The following TIMD4 variants were observed in gnomAD, a reference collection of about 807,000 sequenced individuals.
The protein encoded by TIMD4 is T-cell immunoglobulin and mucin domain-containing protein 4.
A neutral mutation model predicts 41.2 loss-of-function variants in TIMD4; 31 were observed. The observed-to-expected ratio is 0.75, with a 90% CI of 0.57 to 1.01. TIMD4 has a LOEUF of 1.01. Ranked by LOEUF, TIMD4 falls within the 50% of genes least tolerant of loss-of-function variation. The pLI is 0.00. For missense variants in TIMD4, 479 were observed against 472.5 expected (o/e 1.01, Z -0.13); for synonymous variants, 204 against 177.1 (o/e 1.15, Z -1.21).
chr5:156,928,911 A>G (rs956972844), intron 5 of TIMD4, among the ~76,000 whole-genome samples: 2 of 152,232 alleles, frequency 1.3e-5, no homozygotes, highest in African/African-American at 4.8e-5. Context: ...AATTGAAACT[A>G]TCAAACAGAA....
At chr5:156,931,123 A>G (rs1248827189) in intron 5 of TIMD4, among the ~76,000 whole-genome samples, 1 of 152,218 alleles carries the variant, frequency 6.6e-6, no homozygotes, top group Non-Finnish European at 1.5e-5. Flanking sequence ...TGAAGGAAGG[A>G]GTCACAAGCC....
intron 6 of TIMD4, among the ~76,000 whole-genome samples, chr5:156,923,929 C>G (rs1028915410): frequency 7.4e-4 from 113 of 152,186 alleles, no homozygotes; most frequent in African/African-American, 2.4e-3. Context: ...CCTCAACCTC[C>G]TGGACTCAAG....
intron 5 of TIMD4, among the ~76,000 whole-genome samples, 188 bp downstream of exon 5, chr5:156,948,228 G>T (rs1358922338): frequency 6.6e-6 from 1 of 151,614 alleles, no homozygotes; most frequent in Admixed American, 6.6e-5. Flanking sequence ...GGCCAGGCAA[G>T]CTGGCTCTAG....
chr5:156,943,058 C>T (rs763777351), intron 5 of TIMD4, among the ~76,000 whole-genome samples: 4 of 152,050 alleles, frequency 2.6e-5, no homozygotes, highest in Non-Finnish European at 4.4e-5. Flanking sequence ...AGCTGTTTCC[C>T]TAGTGTGATT....
At chr5:156,959,867 C>T (rs1760045792) in intron 1 of TIMD4, among the ~76,000 whole-genome samples, 1 of 151,842 alleles carries the variant, frequency 6.6e-6, no homozygotes, top group African/African-American at 2.4e-5. Flanking sequence ...ATGGTGAAAC[C>T]CTGTCTCTAC....
At chr5:156,949,418 CCCTCCTCCTCCTCCTCCT>C (rs150412627) in intron 4 of TIMD4, among the ~76,000 whole-genome samples, 19 of 146,100 alleles carry the variant, frequency 1.3e-4, no homozygotes, top group East Asian at 4.1e-4. Flanking sequence ...TTCCCTACCT[CCCTCCTCCTCCTCCTCCT>C]CCTCCTCCTC....
At chr5:156,920,651 C>T in intron 7 of TIMD4, 148 bp from the exon 8 acceptor site, 1 of 753,686 alleles carries the variant, frequency 1.3e-6, no homozygotes, top group Non-Finnish European at 2.3e-6. Context: ...AAAGCCATTC[C>T]CTTTCCCAGG....
chr5:156,921,228 T>C (rs1759231590), intron 7 of TIMD4, among the ~76,000 whole-genome samples: 1 of 152,062 alleles, frequency 6.6e-6, no homozygotes, highest in South Asian at 2.1e-4. Flanking sequence ...CATGAACACA[T>C]AAACACTTTT....
intron 1 of TIMD4, among the ~76,000 whole-genome samples, chr5:156,960,906 A>G (rs1760069137): frequency 6.6e-6 from 1 of 152,254 alleles, no homozygotes; most frequent in South Asian, 2.1e-4. Flanking sequence ...CTCATAGCAG[A>G]AACACCTGAA....
chr5:156,957,636 T>C (rs1005693641), intron 1 of TIMD4, among the ~76,000 whole-genome samples: 2 of 151,670 alleles, frequency 1.3e-5, no homozygotes, highest in Admixed American at 6.6e-5. Flanking sequence ...GTTAACAACA[T>C]AGAACACATG....
intron 5 of TIMD4, among the ~76,000 whole-genome samples, chr5:156,943,530 A>T (rs920277164): frequency 4.6e-5 from 7 of 152,232 alleles, no homozygotes; most frequent in Admixed American, 3.3e-4. Flanking sequence ...ATGAGAAGAA[A>T]GGACTAGAAA....
Position 156,949,648 on chromosome 5 carries a change from C to T in TIMD4, c.760+3G>A, listed in dbSNP as rs775376353. 2 of 1,609,068 alleles carry T rather than the reference C, an allele frequency of 1.2e-6. No homozygotes were observed. The highest frequency in any genetic ancestry group is 1.7e-6 in the Non-Finnish European group (2 of 1,175,538). On this transcript the variant is annotated splice_donor_region_variant and intron_variant, in intron 4 of 8. Transcript: ENST00000274532. ...AGGACAGAGAGAGTGAGTGTCTGCA[C>T]ACCTTTGGATGTCAGCAGGACAGTG...
At chr5:156,924,939 T>A (rs1581608235) in intron 6 of TIMD4, among the ~76,000 whole-genome samples, 1 of 152,096 alleles carries the variant, frequency 6.6e-6, no homozygotes, top group East Asian at 1.9e-4. Flanking sequence ...GGCACAAGGC[T>A]TAGAACTCCC....
chr5:156,926,390 G>A, intron 5 of TIMD4, 78 bp from the exon 6 acceptor site: 1 of 1,441,800 alleles, frequency 6.9e-7, no homozygotes. Flanking sequence ...AGGTAATTAA[G>A]AGTCCATCTG....
At chr5:156,929,879 TAAG>T (rs1297347164) in intron 5 of TIMD4, among the ~76,000 whole-genome samples, 1 of 152,334 alleles carries the variant, frequency 6.6e-6, no homozygotes, top group East Asian at 1.9e-4. Flanking sequence ...TGAGCACAGG[TAAG>T]AAGACTAAAT....
chr5:156,940,263 T>C (rs963885034), intron 5 of TIMD4, among the ~76,000 whole-genome samples: 1 of 152,234 alleles, frequency 6.6e-6, no homozygotes, highest in Non-Finnish European at 1.5e-5. Context: ...CAGTGCTCAA[T>C]GTCGCCCAGG....
At chr5:156,962,250 T>C (rs746713116) in intron 1 of TIMD4, among the ~76,000 whole-genome samples, 24 of 152,182 alleles carry the variant, frequency 1.6e-4, no homozygotes, top group Non-Finnish European at 3.2e-4. Flanking sequence ...TCAAAATAAC[T>C]AGAAGAGAAC....
chr5:156,954,512 G>C lies in TIMD4; in HGVS notation c.303C>G (p.Asn101Lys), dbSNP rs1237100647. 1 of 1,614,098 alleles carries C rather than the reference G, an allele frequency of 6.2e-7. No individual in the cohort carries two copies. The highest frequency in any genetic ancestry group is 1.3e-5 in the African/African-American group (1 of 74,940). ...ACACACCGCTGTCACTTTCACTGGGGTTTAAGATGGTCAAGGAGACATCAC... is the reference window on the plus strand; with the variant it reads ...ACACACCGCTGTCACTTTCACTGGGCTTTAAGATGGTCAAGGAGACATCAC... ...PRGDVSLTIL[N>K]PSESDSGVYC... Residue 101 changes from asparagine to lysine, a missense_variant, in exon 2 of 9, where the codon AAC (asparagine) becomes AAG (lysine). Physicochemically the swap from Asn to Lys is moderately conservative, Grantham distance 94 (BLOSUM62 0). Coordinates refer to ENST00000274532, the MANE Select transcript of TIMD4 (RefSeq NM_138379.3).
At chr5:156,942,158 A>C (rs1265979117) in intron 5 of TIMD4, among the ~76,000 whole-genome samples, 1 of 152,168 alleles carries the variant, frequency 6.6e-6, no homozygotes, top group Non-Finnish European at 1.5e-5. Flanking sequence ...CAGTGCATTC[A>C]ACTTGAATTT....
Sources: gnomAD v4.1 joint callset for allele counts (sites outside exome capture counted in the v4.1 genomes callset) on GRCh38, gnomAD v4.1.1 for gene constraint, MANE v1.5 for transcripts, NCBI Gene and HGNC (gene_info 2026-07-23, HGNC 2026-07-21) for gene names.